NRXN3: variants seen among roughly 807,000 people sequenced by gnomAD.
NRXN3 encodes neurexin 3, also known as neurexin III.
In NRXN3, 32 loss-of-function variants were observed where a neutral mutation model predicts 137.6. The observed-to-expected ratio is 0.23, with a 90% CI of 0.18 to 0.31. The LOEUF is 0.31. Ranked by LOEUF, NRXN3 falls within the 10% of genes least tolerant of loss-of-function variation. The pLI, the probability that NRXN3 is intolerant of heterozygous loss-of-function variation, is 1.00. For missense variants in NRXN3, 1,574 were observed against 2,062.5 expected (o/e 0.76, Z 4.59); for synonymous variants, 798 against 784.5 (o/e 1.02, Z -0.29).
At chr14:79,267,567 A>C (rs1473635516) in intron 15 of NRXN3, among the ~76,000 whole-genome samples, 2 of 151,962 alleles carry the variant, frequency 1.3e-5, no homozygotes, top group African/African-American at 4.8e-5. Context: ...CATGTTGGCC[A>C]GGCTGGTCTT....
chr14:79,689,001 ATC>A (rs2098705962), intron 17 of NRXN3, among the ~76,000 whole-genome samples: 1 of 152,086 alleles, frequency 6.6e-6, no homozygotes, highest in Non-Finnish European at 1.5e-5. Flanking sequence ...TTATTTGAAG[ATC>A]TCTTTGTATA....
At chr14:79,540,153 G>A (rs1023155309) in intron 16 of NRXN3, among the ~76,000 whole-genome samples, 4 of 148,960 alleles carry the variant, frequency 2.7e-5, no homozygotes, top group African/African-American at 1.0e-4. Flanking sequence ...GGTAAAAGAT[G>A]CCTTAAAAAG....
intron 4 of NRXN3, among the ~76,000 whole-genome samples, chr14:78,327,542 A>G (rs1597373065): frequency 6.6e-6 from 1 of 152,320 alleles, no homozygotes; most frequent in East Asian, 1.9e-4. Context: ...AACTCAACGC[A>G]TTACTTTATG....
chr14:78,415,213 A>C (rs2093061061), intron 4 of NRXN3, among the ~76,000 whole-genome samples: 1 of 152,196 alleles, frequency 6.6e-6, no homozygotes, highest in Non-Finnish European at 1.5e-5. Flanking sequence ...AGCTTGCATG[A>C]CTGTCATATG....
At chr14:78,660,803 C>T (rs2152679860) in intron 6 of NRXN3, among the ~76,000 whole-genome samples, 1 of 152,298 alleles carries the variant, frequency 6.6e-6, no homozygotes, top group African/African-American at 2.4e-5. Context: ...CTATCATTTG[C>T]AGCAGGAAGC....
intron 4 of NRXN3, among the ~76,000 whole-genome samples, chr14:78,479,375 G>C (rs2095434719): frequency 6.6e-6 from 1 of 152,196 alleles, no homozygotes; most frequent in Admixed American, 6.5e-5. Flanking sequence ...TCCATCGGCA[G>C]AGTTTCTGAT....
intron 15 of NRXN3, among the ~76,000 whole-genome samples, chr14:79,366,407 A>G (rs926933662): frequency 6.6e-6 from 1 of 152,240 alleles, no homozygotes; most frequent in African/African-American, 2.4e-5. Flanking sequence ...GCTAGATTTT[A>G]TTCATTCTAT....
rs113372761 is a variant in NRXN3 at position 79,229,279 on chromosome 14, A to T, written c.3263-237942A>T. Among the ~76,000 whole-genome samples, 140 of 152,350 alleles carry T rather than the reference A, an allele frequency of 9.2e-4. 1 individual carries two copies. The highest frequency in any genetic ancestry group is 3.3e-3 in the African/African-American group (136 of 41,588). Reference sequence around the variant, plus strand: ...CCTTTAAAATCAGTTTAATTAGGGTAAAATTTAATACATAATTGATCATAC... The same window carrying T: ...CCTTTAAAATCAGTTTAATTAGGGTTAAATTTAATACATAATTGATCATAC... On this transcript the variant is annotated intron_variant, in intron 15 of 20. Coordinates refer to ENST00000335750, the MANE Select transcript of NRXN3 (RefSeq NM_001330195.2).
At chr14:78,801,972 A>T (rs2098840529) in intron 8 of NRXN3, among the ~76,000 whole-genome samples, 1 of 152,186 alleles carries the variant, frequency 6.6e-6, no homozygotes, top group East Asian at 1.9e-4. Flanking sequence ...TAGAACAGGG[A>T]CCTTGTCTGT....
intron 1 of NRXN3, among the ~76,000 whole-genome samples, chr14:78,179,453 T>A (rs2059581719): frequency 6.6e-6 from 1 of 152,194 alleles, no homozygotes; most frequent in African/African-American, 2.4e-5. Flanking sequence ...AAACATCGAT[T>A]TCTGGGTGGA....
At chr14:79,406,853 T>C (rs1261271500) in intron 15 of NRXN3, among the ~76,000 whole-genome samples, 2 of 152,184 alleles carry the variant, frequency 1.3e-5, no homozygotes, top group Non-Finnish European at 1.5e-5. Context: ...TTTATAAGTA[T>C]TTGCTATCAA....
At chr14:79,261,638 TG>T (rs2077598578) in intron 15 of NRXN3, among the ~76,000 whole-genome samples, 1 of 82,558 alleles carries the variant, frequency 1.2e-5, no homozygotes, top group Non-Finnish European at 2.2e-5. Context: ...TGTGTGTGTG[TG>T]TGTGATGGGG....
intron 2 of NRXN3, among the ~76,000 whole-genome samples, chr14:78,259,929 A>T (rs1301242202): frequency 1.3e-5 from 2 of 152,186 alleles, no homozygotes; most frequent in Non-Finnish European, 2.9e-5. Context: ...CATTTTTCTA[A>T]GCAGAAGAGA....
intron 6 of NRXN3, among the ~76,000 whole-genome samples, chr14:78,667,007 G>A (rs764892251): frequency 1.4e-4 from 22 of 151,970 alleles, no homozygotes; most frequent in Non-Finnish European, 3.2e-4. Context: ...TGTTTATTTG[G>A]TTCTTCTAGC....
chr14:79,813,703 TCCTC>T (rs1007065834), intron 20 of NRXN3, among the ~76,000 whole-genome samples: 23 of 152,320 alleles, frequency 1.5e-4, no homozygotes, highest in African/African-American at 5.5e-4. Flanking sequence ...GTTTTCCTCT[TCCTC>T]CTTCTATGCA....
intron 10 of NRXN3, among the ~76,000 whole-genome samples, chr14:78,889,712 G>T (rs554413862): frequency 1.3e-5 from 2 of 151,972 alleles, no homozygotes; most frequent in Non-Finnish European, 2.9e-5. Flanking sequence ...GGATTCTGCA[G>T]TACAGCAGCA....
chr14:78,173,709 C>CTTGTTTTTTTTTTTTTTTTTTTT (rs2058982206), intron 1 of NRXN3, among the ~76,000 whole-genome samples: 1 of 69,358 alleles, frequency 1.4e-5, no homozygotes, highest in Non-Finnish European at 2.5e-5. Flanking sequence ...TTTTTCCTTG[C>CTTGTTTTTTTTTTTTTTTTTTTT]TTTTTTTTTT....
At chr14:78,310,821 A>T (rs1011908707) in intron 4 of NRXN3, among the ~76,000 whole-genome samples, 7 of 152,124 alleles carry the variant, frequency 4.6e-5, no homozygotes, top group Non-Finnish European at 1.0e-4. Context: ...TTATCCTAAT[A>T]AGCAAAACGG....
chr14:78,485,984 A>G (rs550170457), intron 4 of NRXN3, among the ~76,000 whole-genome samples: 1 of 152,322 alleles, frequency 6.6e-6, no homozygotes, highest in East Asian at 1.9e-4. Context: ...ATCAGTGGTG[A>G]CTATATTTGC....
Sources: gnomAD v4.1 joint callset for allele counts (sites outside exome capture counted in the v4.1 genomes callset) on GRCh38, gnomAD v4.1.1 for gene constraint, MANE v1.5 for transcripts, NCBI Gene and HGNC (gene_info 2026-07-23, HGNC 2026-07-21) for gene names.